WWC1: variants seen among roughly 807,000 people sequenced by gnomAD.
WWC1 encodes protein KIBRA.
In WWC1, 55 loss-of-function variants were observed where a neutral mutation model predicts 138.4. That is an observed-to-expected ratio of 0.40 (90% CI 0.32 to 0.50). The LOEUF is 0.50. Among genes scored for constraint, WWC1 ranks in the 20% least tolerant of loss-of-function variants. The pLI is 0.72. For synonymous variants in WWC1, 524 were observed against 564.9 expected (o/e 0.93, Z 1.03); for missense variants, 1,226 against 1,420.4 (o/e 0.86, Z 2.20).
At chr5:168,376,392 A>G (rs901891385) in intron 2 of WWC1, among the ~76,000 whole-genome samples, 2 of 152,204 alleles carry the variant, frequency 1.3e-5, no homozygotes, top group African/African-American at 2.4e-5. Flanking sequence ...GGATGTGTCA[A>G]TACATTTTAA....
rs563459449 is a variant in WWC1, at chr5:168,384,906, G to A, written c.230-305G>A. On this transcript the variant is annotated intron_variant, in intron 2 of 22. Coordinates refer to ENST00000265293, the MANE Select transcript of WWC1 (RefSeq NM_015238.3). ...TAATTTTTGTATTTTTAGTAGAGACGGAGTTTTACCATGTTGGCCAGGCTG... is the reference window on the plus strand; with the variant it reads ...TAATTTTTGTATTTTTAGTAGAGACAGAGTTTTACCATGTTGGCCAGGCTG... Among the ~76,000 whole-genome samples the A allele has an allele frequency of 8.0e-5, 12 of 149,290 alleles. No individual in the cohort carries two copies. The East Asian group carries it at 1.4e-3, about 17-fold the overall frequency.
chr5:168,337,595 A>C (rs17731499), intron 1 of WWC1, among the ~76,000 whole-genome samples: 18,361 of 152,278 alleles, frequency 0.12, 1,468 homozygotes, highest in South Asian at 0.24. Flanking sequence ...TTAAGCATCC[A>C]TCAGGCAGGC....
intron 1 of WWC1, among the ~76,000 whole-genome samples, chr5:168,317,293 T>C (rs1771691469): frequency 6.6e-6 from 1 of 152,196 alleles, no homozygotes; most frequent in Non-Finnish European, 1.5e-5. Context: ...CTCTGACATT[T>C]CTCAGAGCGT....
At chr5:168,310,940 C>T (rs1056077989) in intron 1 of WWC1, among the ~76,000 whole-genome samples, 9 of 152,256 alleles carry the variant, frequency 5.9e-5, no homozygotes, top group African/African-American at 2.2e-4. Flanking sequence ...CACACTAGTT[C>T]ATGCAGTTTT....
chr5:168,467,990 C>G, intron 22 of WWC1, 26 bp downstream of exon 22: 1 of 1,613,148 alleles, frequency 6.2e-7, no homozygotes, highest in Non-Finnish European at 8.5e-7. Context: ...CGGCAGCCCC[C>G]CATCCCTTTC....
chr5:168,327,950 T>C (rs1379283748), intron 1 of WWC1, among the ~76,000 whole-genome samples: 2 of 152,200 alleles, frequency 1.3e-5, no homozygotes, highest in Non-Finnish European at 2.9e-5. Flanking sequence ...AGTTAGAGCA[T>C]GTGGGTGGAT....
intron 5 of WWC1, among the ~76,000 whole-genome samples, chr5:168,403,055 T>TTTCTTTCC: frequency 7.3e-6 from 1 of 137,352 alleles, no homozygotes; most frequent in Non-Finnish European, 1.5e-5. Flanking sequence ...TCTTTCTTTC[T>TTTCTTTCC]TTCTTTCTTT....
chr5:168,465,966 T>C (rs10038390), intron 21 of WWC1, among the ~76,000 whole-genome samples: 2,819 of 152,102 alleles, frequency 0.019, 88 homozygotes, highest in African/African-American at 0.064. Context: ...AGGGAACTCC[T>C]AGGGGAGAGC....
chr5:168,296,322 C>G (rs1311029754), intron 1 of WWC1, among the ~76,000 whole-genome samples: 2 of 152,172 alleles, frequency 1.3e-5, no homozygotes, highest in Admixed American at 1.3e-4. Flanking sequence ...AGAGGCCATG[C>G]TGAGAGGATC....
At chr5:168,295,168 T>G (rs1395336719) in intron 1 of WWC1, among the ~76,000 whole-genome samples, 4 of 152,134 alleles carry the variant, frequency 2.6e-5, no homozygotes. Context: ...TGTGTGGCCT[T>G]GGGCAAATCA....
At chr5:168,410,992 T>G (rs1039962558) in intron 8 of WWC1, among the ~76,000 whole-genome samples, 12 of 145,566 alleles carry the variant, frequency 8.2e-5, no homozygotes, top group Non-Finnish European at 1.6e-4. Flanking sequence ...TGGAGTGCAG[T>G]GGCGCGATCT....
rs866536156 is a variant in WWC1 at position 168,294,774 on chromosome 5, C to T, written c.119+2503C>T. 9.9e-5 allele frequency among the ~76,000 whole-genome samples: 15 copies of T among 152,196 alleles called. No homozygotes were observed. In the South Asian group the frequency reaches 1.2e-3, roughly 13 times the overall value. ...CCGAGTAGCTGGGACTACAGGTGCA[C>T]GCCACCACATCCAGCCAATTTTTTG... On this transcript the variant is annotated intron_variant, in intron 1 of 22. Coordinates refer to ENST00000265293, the MANE Select transcript of WWC1 (RefSeq NM_015238.3).
At chr5:168,339,851 TTC>T (rs1197601532) in intron 1 of WWC1, among the ~76,000 whole-genome samples, 3 of 148,776 alleles carry the variant, frequency 2.0e-5, no homozygotes, top group South Asian at 2.1e-4. Context: ...CTTTCTTTCT[TTC>T]TCTCTTTCTC....
chr5:168,394,253 G>T (rs1778721512), intron 3 of WWC1, among the ~76,000 whole-genome samples: 1 of 152,218 alleles, frequency 6.6e-6, no homozygotes, highest in African/African-American at 2.4e-5. Context: ...AATTGAAAAT[G>T]ATTTTCTTTT....
intron 1 of WWC1, among the ~76,000 whole-genome samples, chr5:168,315,521 C>G (rs1017802637): frequency 6.6e-6 from 1 of 152,082 alleles, no homozygotes; most frequent in Non-Finnish European, 1.5e-5. Flanking sequence ...TGGGAGCCTT[C>G]CTTGCCATCT....
chr5:168,302,394 G>A (rs887489843), intron 1 of WWC1, among the ~76,000 whole-genome samples: 1 of 152,186 alleles, frequency 6.6e-6, no homozygotes, highest in South Asian at 2.1e-4. Context: ...GTGCACGCGG[G>A]GGATGGAGAC....
chr5:168,422,139 C>T, intron 10 of WWC1, 42 bp downstream of exon 10: 1 of 1,587,662 alleles, frequency 6.3e-7, no homozygotes, highest in Non-Finnish European at 8.6e-7. Flanking sequence ...CTGGGCATGG[C>T]CAGACATGGG....
Position 168,292,502 on chromosome 5 carries a change from C to CA in WWC1, c.119+232dup, listed in dbSNP as rs1769144485. ...GAGCTGGCCCAGGCTGCCCCACCGC[C>CA]ATCCCCAGTTGGAGGACTTAGGCCC... On this transcript the variant is annotated intron_variant, in intron 1 of 22. Transcript: ENST00000265293. This position sits in a 1 kb window ranked among gnomAD's most constrained non-coding sequence, Gnocchi z 4.4. Among the ~76,000 whole-genome samples, 1 of 152,082 alleles carries CA rather than the reference C, an allele frequency of 6.6e-6. No individual in the cohort carries two copies. Among genetic ancestry groups the CA allele is most frequent in the Admixed American group, 6.5e-5 (1 of 15,292 alleles).
intron 1 of WWC1, among the ~76,000 whole-genome samples, chr5:168,317,170 A>G (rs1052762230): frequency 1.3e-5 from 2 of 152,046 alleles, no homozygotes; most frequent in Non-Finnish European, 1.5e-5. Flanking sequence ...AGTTGGCAAG[A>G]GGGTTGGGGT....
Sources: gnomAD v4.1 joint callset for allele counts (sites outside exome capture counted in the v4.1 genomes callset) on GRCh38, gnomAD v4.1.1 for gene constraint, Gnocchi (gnomAD v3.1) non-coding constraint, MANE v1.5 for transcripts, NCBI Gene and HGNC (gene_info 2026-07-23, HGNC 2026-07-21) for gene names.